DNAJA3: variants seen among roughly 807,000 people sequenced by gnomAD.
DNAJA3 encodes the protein dnaJ homolog subfamily A member 3, mitochondrial.
Under a neutral mutation model 54.9 loss-of-function variants are expected in DNAJA3, and 29 were observed. The observed-to-expected ratio is 0.53, with a 90% CI of 0.39 to 0.72. The LOEUF is 0.72. DNAJA3 is among the 30% of genes least tolerant of loss of function. The pLI, the probability that DNAJA3 is intolerant of heterozygous loss-of-function variation, is 0.00. For synonymous variants in DNAJA3, 302 were observed against 251.4 expected (o/e 1.20, Z -1.90); for missense variants, 708 against 639.4 (o/e 1.11, Z -1.16).
chr16:4,451,752 GA>G (rs57814611), intron 10 of DNAJA3, among the ~76,000 whole-genome samples: 2,829 of 41,852 alleles, frequency 0.068, 26 homozygotes, highest in African/African-American at 0.15. Context: ...GAGACTCTCT[GA>G]AAAAAAAAAA....
intron 11 of DNAJA3, among the ~76,000 whole-genome samples, chr16:4,455,153 C>T (rs905052705): frequency 6.6e-6 from 1 of 152,210 alleles, no homozygotes; most frequent in African/African-American, 2.4e-5. Context: ...CCGCGGCCAG[C>T]CTCTGGCTGT....
chr16:4,450,165 A>G (rs1246046723), intron 9 of DNAJA3: 5 of 468,414 alleles, frequency 1.1e-5, no homozygotes, highest in Non-Finnish European at 1.9e-5. Flanking sequence ...TATTTAGCAT[A>G]GCCACAGTGA....
intron 1 of DNAJA3, among the ~76,000 whole-genome samples, chr16:4,429,495 A>C (rs1245586629): frequency 1.3e-5 from 2 of 152,004 alleles, no homozygotes; most frequent in African/African-American, 4.8e-5. Context: ...TGCTGGGATT[A>C]CAGGTGTGAG....
intron 9 of DNAJA3, among the ~76,000 whole-genome samples, chr16:4,449,310 C>T (rs2141392970): frequency 6.6e-6 from 1 of 152,184 alleles, no homozygotes. Flanking sequence ...TGGTCGACTT[C>T]TTGGAGTTGT....
chr16:4,441,630 C>A, intron 4 of DNAJA3, 55 bp downstream of exon 4: 1 of 1,568,552 alleles, frequency 6.4e-7, no homozygotes, highest in Non-Finnish European at 8.7e-7. Context: ...ATGGGTCAAA[C>A]AAATTTTTTT....
At chr16:4,434,881 CCTTT>C (rs2056753734) in intron 2 of DNAJA3, among the ~76,000 whole-genome samples, 1 of 136,770 alleles carries the variant, frequency 7.3e-6, no homozygotes, top group Non-Finnish European at 1.5e-5. Flanking sequence ...TACTTCCTTT[CCTTT>C]CTTTTTTTTT....
Position 4,450,469 on chromosome 16 carries a change from G to A in DNAJA3, c.1311G>A (p.Thr437=), listed in dbSNP as rs955251931. The change falls in exon 10 of 12, where the codon ACG becomes ACA. Residue 437 remains threonine (T), a synonymous_variant. Transcript: ENST00000262375. Reference sequence around the variant, plus strand: ...AGGACGAGACAGATGTGGAGGGGACGGTGAACGGCGTCACCCTCACCAGCT... The same window carrying A: ...AGGACGAGACAGATGTGGAGGGGACAGTGAACGGCGTCACCCTCACCAGCT... The part of the protein sequence containing the change: ...YAEDETDVEG[T]VNGVTLTSSG... 7 of 1,611,046 alleles carry A rather than the reference G, an allele frequency of 4.3e-6. No individual in the cohort carries two copies. Among genetic ancestry groups the A allele is most frequent in the East Asian group, 2.2e-5 (1 of 44,798 alleles).
intron 8 of DNAJA3, 195 bp downstream of exon 8, chr16:4,447,209 C>A: frequency 1.7e-6 from 1 of 605,644 alleles, no homozygotes; most frequent in Non-Finnish European, 2.8e-6. Context: ...TCTATAATCG[C>A]ATGGGAAGCA....
At chr16:4,444,845 T>G (rs2056884066) in intron 7 of DNAJA3, 117 bp downstream of exon 7, 1 of 944,752 alleles carries the variant, frequency 1.1e-6, no homozygotes, top group East Asian at 2.7e-5. Flanking sequence ...CATTCATGTT[T>G]CTGAGGGGCA....
rs1437252114 is a variant in DNAJA3 at position 4,434,416 on chromosome 16, T to G, written c.244T>G (p.Ser82Ala). ...TKHNPFICTASFHTSAPLAKE... is the reference protein window; with the variant it reads ...TKHNPFICTAAFHTSAPLAKE... ...ACATAACCCTTTCATTTGTACTGCC[T>G]CCTTCCACACGAGTGCCCCTTTGGC... Residue 82 changes from serine (S) to alanine (A), a missense_variant, in exon 2 of 12, where the codon TCC becomes GCC. Ser to Ala is a moderately conservative substitution (Grantham distance 99). Transcript: ENST00000262375. 15 of 1,613,560 alleles carry G rather than the reference T, an allele frequency of 9.3e-6. No individual in the cohort carries two copies. Among genetic ancestry groups the G allele is most frequent in the Non-Finnish European group, 1.2e-5 (14 of 1,179,968 alleles).
At chr16:4,428,974 C>T (rs1288443821) in intron 1 of DNAJA3, among the ~76,000 whole-genome samples, 3 of 149,232 alleles carry the variant, frequency 2.0e-5, no homozygotes, top group African/African-American at 5.0e-5. Context: ...CTGCAAACTC[C>T]GCCTCCCGGG....
At chr16:4,455,431 G>T in intron 11 of DNAJA3, 115 bp from the exon 12 acceptor site, 1 of 1,261,718 alleles carries the variant, frequency 7.9e-7, no homozygotes, top group Non-Finnish European at 1.1e-6. Flanking sequence ...CAGCAAGTGG[G>T]GTTCTCGCCC....
chr16:4,455,548 A>C lies in DNAJA3; in HGVS notation c.*16A>C. 6.4e-7 allele frequency: 1 copy of C among 1,551,844 alleles called. No homozygotes were observed. The highest frequency in any genetic ancestry group is 8.7e-7 in the Non-Finnish European group (1 of 1,146,992). On this transcript the variant is annotated splice_region_variant and 3_prime_UTR_variant, in exon 12 of 12. Coordinates refer to ENST00000262375, the MANE Select transcript of DNAJA3 (RefSeq NM_005147.6). Reference sequence around the variant, plus strand: ...AACAGCCTATCTCTTTGGCTCAGGAAAAAGATCCACTGGAAACTAGGCCGG... The same window carrying C: ...AACAGCCTATCTCTTTGGCTCAGGACAAAGATCCACTGGAAACTAGGCCGG...
chr16:4,441,705 A>G (rs1200125087), intron 4 of DNAJA3, 130 bp downstream of exon 4: 1 of 828,278 alleles, frequency 1.2e-6, no homozygotes, highest in East Asian at 2.6e-5. Flanking sequence ...CAGCCATTTT[A>G]GTAGAAAATA....
At chr16:4,448,271 T>C (rs545335062) in intron 8 of DNAJA3, among the ~76,000 whole-genome samples, 56 of 150,614 alleles carry the variant, frequency 3.7e-4, no homozygotes, top group African/African-American at 8.1e-4. Context: ...GTGATCTGCC[T>C]GCCTCAGCCC....
chr16:4,440,808 A>G (rs2056828568), intron 3 of DNAJA3: 1 of 153,590 alleles, frequency 6.5e-6, no homozygotes, highest in South Asian at 2.0e-4. Context: ...CTGTCTCTAC[A>G]AAAACTTAAA....
intron 1 of DNAJA3, among the ~76,000 whole-genome samples, chr16:4,430,342 G>T (rs780001320): frequency 1.3e-5 from 2 of 151,604 alleles, no homozygotes; most frequent in Non-Finnish European, 2.9e-5. Flanking sequence ...TGGGTTGATC[G>T]CCTGAGGTCA....
At chr16:4,444,585 C>T (rs1490786290) in intron 6 of DNAJA3, 79 bp from the exon 7 acceptor site, 32 of 1,256,924 alleles carry the variant, frequency 2.5e-5, no homozygotes, top group Non-Finnish European at 3.3e-5. Context: ...CTGCCCGCCT[C>T]GGCCTCCCAA....
chr16:4,446,224 A>G (rs2056900440), intron 7 of DNAJA3, among the ~76,000 whole-genome samples: 1 of 146,108 alleles, frequency 6.8e-6, no homozygotes, highest in African/African-American at 2.6e-5. Flanking sequence ...GCTGGCCTAT[A>G]CTTTCTAATA....
Sources: gnomAD v4.1 joint callset for allele counts (sites outside exome capture counted in the v4.1 genomes callset) on GRCh38, gnomAD v4.1.1 for gene constraint, MANE v1.5 for transcripts, NCBI Gene and HGNC (gene_info 2026-07-23, HGNC 2026-07-21) for gene names.